Variants in OPHN1 observed in about 807,000 individuals in gnomAD.
OPHN1 encodes the protein oligophrenin 1.
A neutral mutation model predicts 60.7 loss-of-function variants in OPHN1; 11 were observed. The ratio of observed to expected loss-of-function variants is 0.18; its 90% CI spans 0.11 to 0.30. The LOEUF (loss-of-function observed/expected upper bound fraction) is 0.30, where lower values mean the gene tolerates loss of function less well. OPHN1 is among the 10% of genes least tolerant of loss of function. The probability of loss-of-function intolerance (pLI) is 1.00; values close to 1 mark genes in which losing one functional copy is unlikely to be tolerated. For synonymous variants in OPHN1, 226 were observed against 222.6 expected, an observed-to-expected ratio of 1.02 and a Z score of -0.14; for missense variants, 449 against 611.0, an observed-to-expected ratio of 0.73 and a Z score of 2.80.
In OPHN1 at chrX:68,197,272, G is replaced by A. The variant is rs1457505971; in HGVS notation, c.1026-8C>T. ...AGAGTGATGGTTCCTGGCCTGAGGGGGAAAAAAATGGTAAGTATAAAGCAG... is the reference window on the plus strand; with the variant it reads ...AGAGTGATGGTTCCTGGCCTGAGGGAGAAAAAAATGGTAAGTATAAAGCAG... On this transcript the variant is annotated splice_region_variant and splice_polypyrimidine_tract_variant and intron_variant, in intron 11 of 24. Transcript: ENST00000355520. 4 of 1,183,561 alleles carry A rather than the reference G, an allele frequency of 3.4e-6. No individual in the cohort carries two copies. The highest frequency in any genetic ancestry group is 3.6e-5 in the African/African-American group (2 of 56,263).
chrX:68,277,825 T>G (rs1401437665), intron 4 of OPHN1, among the ~76,000 whole-genome samples: 1 of 111,875 alleles, frequency 8.9e-6, no homozygotes, highest in East Asian at 2.8e-4. Context: ...ATGTAATACC[T>G]AAGAAGTGGC....
At chrX:68,142,258 G>A (rs7050085) in intron 15 of OPHN1, among the ~76,000 whole-genome samples, 24,553 of 111,572 alleles carry the variant, frequency 0.22, 2,938 homozygotes, top group African/African-American at 0.43. Flanking sequence ...GCTCACATAG[G>A]TGTTATATAA....
At chrX:68,131,190 T>TTTTATTTATTTATTTA (rs60984024) in intron 15 of OPHN1, among the ~76,000 whole-genome samples, 75 of 98,494 alleles carry the variant, frequency 7.6e-4, no homozygotes, top group African/African-American at 2.8e-3. Flanking sequence ...CAAAGAACAC[T>TTTTATTTATTTATTTA]TTTATTTATT....
At chrX:68,401,885 T>C (rs765575765) in intron 2 of OPHN1, among the ~76,000 whole-genome samples, 1 of 111,215 alleles carries the variant, frequency 9.0e-6, no homozygotes, top group South Asian at 3.8e-4. Context: ...TAGCCAAAGA[T>C]ATAAAGGGAA....
Position 68,107,120 on chromosome X carries a change from CAT to C in OPHN1, c.1526+4732_1526+4733del, listed in dbSNP as rs766999257. Among the ~76,000 whole-genome samples, 51 of 112,174 alleles carry C rather than the reference CAT, an allele frequency of 4.5e-4. No individual in the cohort carries two copies. In the East Asian group the frequency reaches 0.013, roughly 29 times the overall value. On this transcript the variant is annotated intron_variant, in intron 18 of 24. Coordinates refer to ENST00000355520, the MANE Select transcript of OPHN1 (RefSeq NM_002547.3). ...ACATTTTCCTACAAAACCACAATAA[CAT>C]GTTTGCATCTTAGAAAACGTAGATT...
At chrX:68,149,471 T>C (rs753928973) in intron 15 of OPHN1, among the ~76,000 whole-genome samples, 16 of 111,432 alleles carry the variant, frequency 1.4e-4, no homozygotes, top group Non-Finnish European at 2.8e-4. Flanking sequence ...TCTTCTCCAG[T>C]TGTGAAGGAA....
intron 2 of OPHN1, among the ~76,000 whole-genome samples, chrX:68,401,561 T>C (rs775624607): frequency 8.9e-6 from 1 of 112,509 alleles, no homozygotes; most frequent in East Asian, 2.8e-4. Context: ...ACAACTTTTA[T>C]CTTCCAAGAG....
intron 18 of OPHN1, among the ~76,000 whole-genome samples, chrX:68,105,801 T>TATA (rs777936280): frequency 5.3e-4 from 58 of 108,806 alleles, no homozygotes; most frequent in African/African-American, 1.8e-3. Flanking sequence ...GAACTTAAAG[T>TATA]ATAATAATAA....
intron 2 of OPHN1, among the ~76,000 whole-genome samples, chrX:68,319,735 T>C (rs951227094): frequency 9.1e-6 from 1 of 109,718 alleles, no homozygotes; most frequent in East Asian, 2.9e-4. Context: ...AGACTTGCTC[T>C]CCAAAGAAAA....
intron 5 of OPHN1, among the ~76,000 whole-genome samples, chrX:68,243,635 G>A (rs866192250): frequency 9.9e-5 from 11 of 111,218 alleles, no homozygotes; most frequent in African/African-American, 3.3e-4. Context: ...TAATCCGCCC[G>A]TCTTGGCCTC....
chrX:68,297,927 G>A (rs2078103112), intron 3 of OPHN1, among the ~76,000 whole-genome samples: 1 of 111,576 alleles, frequency 9.0e-6, no homozygotes, highest in African/African-American at 3.3e-5. Flanking sequence ...ATAAAAGTAT[G>A]TCCAAGATAC....
chrX:68,067,846 T>C (rs1461846333), intron 20 of OPHN1, among the ~76,000 whole-genome samples: 1 of 111,799 alleles, frequency 8.9e-6, no homozygotes, highest in Non-Finnish European at 1.9e-5. Context: ...GCAGGATTGG[T>C]TCCTTCTCAG....
chrX:68,308,601 AAAAAG>A (rs202118099), intron 2 of OPHN1, among the ~76,000 whole-genome samples: 54 of 108,876 alleles, frequency 5.0e-4, no homozygotes, highest in South Asian at 1.2e-3. Context: ...CACGAAAAGA[AAAAAG>A]AAAAGAAAAG....
intron 19 of OPHN1, among the ~76,000 whole-genome samples, chrX:68,093,635 G>A (rs2077026911): frequency 9.0e-6 from 1 of 111,118 alleles, no homozygotes; most frequent in African/African-American, 3.3e-5. Flanking sequence ...TAGGTGTGTA[G>A]AGATCTCTCA....
rs112027045 is a variant in OPHN1, at chrX:68,433,172, T to C, written c.-9A>G. On this transcript the variant is annotated 5_prime_UTR_variant, in exon 1 of 25. Coordinates refer to ENST00000355520, the MANE Select transcript of OPHN1 (RefSeq NM_002547.3). ...GTCCCTTTGGAGGACAGGTACCTGT[T>C]TCAGTGAGACTCCTGAGGAGCGCTG... 8.8e-6 allele frequency: 5 copies of C among 567,456 alleles called. No individual in the cohort carries two copies. The African/African-American group carries it at 1.2e-4, about 13-fold the overall frequency. The allele number at this position is 567,456 out of a possible 1,213,427, so 46.8% of individuals were successfully genotyped here.
At chrX:68,274,994 A>C (rs908079452) in intron 4 of OPHN1, among the ~76,000 whole-genome samples, 185 bp from the exon 5 acceptor site, 12 of 112,307 alleles carry the variant, frequency 1.1e-4, no homozygotes, top group African/African-American at 3.9e-4. Flanking sequence ...ATTGAGAAGA[A>C]ATGGGAGAAA....
intron 9 of OPHN1, among the ~76,000 whole-genome samples, chrX:68,209,159 G>A (rs2077573063): frequency 8.9e-6 from 1 of 111,811 alleles, no homozygotes; most frequent in Non-Finnish European, 1.9e-5. Flanking sequence ...ACAGGTTTGG[G>A]GAGTATTGGG....
chrX:68,229,202 C>G (rs747492836), intron 6 of OPHN1, among the ~76,000 whole-genome samples: 1 of 111,482 alleles, frequency 9.0e-6, no homozygotes, highest in African/African-American at 3.3e-5. Flanking sequence ...ATCCAACTTA[C>G]AAGGGATGTG....
intron 20 of OPHN1, chrX:68,071,135 C>T: frequency 1.1e-6 from 1 of 886,884 alleles, no homozygotes; most frequent in Non-Finnish European, 1.7e-6. Flanking sequence ...AATTTAGCTC[C>T]ACCCAGAATG....
Sources: gnomAD v4.1 joint callset for allele counts (sites outside exome capture counted in the v4.1 genomes callset) on GRCh38, gnomAD v4.1.1 for gene constraint, MANE v1.5 for transcripts, NCBI Gene and HGNC (gene_info 2026-07-23, HGNC 2026-07-21) for gene names.